The following RASA3 variants were observed in gnomAD, a reference collection of about 807,000 sequenced individuals.
The protein encoded by RASA3 is ras GTPase-activating protein 3.
A neutral mutation model predicts 110.0 loss-of-function variants in RASA3; 73 were observed. The observed-to-expected ratio is 0.66, with a 90% CI of 0.55 to 0.81. The LOEUF (loss-of-function observed/expected upper bound fraction) is 0.81, where lower values mean the gene tolerates loss of function less well. Among genes scored for constraint, RASA3 ranks in the 30% least tolerant of loss-of-function variants. The pLI is 0.00. For missense variants in RASA3, 976 were observed against 1,113.2 expected (o/e 0.88, Z 1.75); for synonymous variants, 500 against 451.4 (o/e 1.11, Z -1.37).
chr13:113,983,102 G>T (rs190923930), intron 22 of RASA3, among the ~76,000 whole-genome samples: 4 of 147,366 alleles, frequency 2.7e-5, no homozygotes, highest in Non-Finnish European at 6.0e-5. Flanking sequence ...GGGTTTGGGG[G>T]TGCAGAGCGG....
At chr13:114,007,714 T>A (rs932843678) in intron 17 of RASA3, 108 bp from the exon 18 acceptor site, 2 of 892,664 alleles carry the variant, frequency 2.2e-6, no homozygotes, top group African/African-American at 1.6e-5. Context: ...GTAATACCAG[T>A]GGAGACAGAA....
Position 114,040,988 on chromosome 13 carries a change from C to T in RASA3, c.372+12G>A, listed in dbSNP as rs370246415. ...AGGGCTCTGGTTTCCGGGGCTGCGC[C>T]GAGAGTCTCACCTGCACTTCCGAGT... On this transcript the variant is annotated intron_variant, in intron 4 of 23. Transcript: ENST00000334062. 76 of 1,612,844 alleles carry T rather than the reference C, an allele frequency of 4.7e-5. No homozygotes were observed. In the African/African-American group the frequency reaches 8.1e-4, roughly 17 times the overall value.
At chr13:114,049,555 T>C (rs955031023) in intron 3 of RASA3, among the ~76,000 whole-genome samples, 1 of 152,216 alleles carries the variant, frequency 6.6e-6, no homozygotes, top group African/African-American at 2.4e-5. Context: ...GGGTTGTCGC[T>C]CAAAAAATGT....
At chr13:114,010,858 C>T (rs927349921) in intron 16 of RASA3, among the ~76,000 whole-genome samples, 6 of 150,740 alleles carry the variant, frequency 4.0e-5, no homozygotes, top group Non-Finnish European at 7.4e-5. Context: ...GCCCAGGAGG[C>T]GCCAGGTTAG....
intron 14 of RASA3, among the ~76,000 whole-genome samples, chr13:114,013,676 G>C (rs1479245612): frequency 3.2e-4 from 22 of 69,728 alleles, no homozygotes; most frequent in African/African-American, 5.9e-4. Flanking sequence ...CCCTCTCCCT[G>C]TCTCTCTCCC....
chr13:114,043,697 T>C (rs1025349407), intron 3 of RASA3, among the ~76,000 whole-genome samples: 2 of 151,952 alleles, frequency 1.3e-5, no homozygotes, highest in Non-Finnish European at 2.9e-5. Flanking sequence ...CCAGCACATG[T>C]GGGAGAAGGA....
chr13:114,110,352 A>G (rs1364947449), intron 1 of RASA3, among the ~76,000 whole-genome samples: 9 of 152,232 alleles, frequency 5.9e-5, no homozygotes, highest in Admixed American at 2.6e-4. Flanking sequence ...AAGTAATTTA[A>G]AAATTATCAA....
intron 3 of RASA3, among the ~76,000 whole-genome samples, chr13:114,041,434 G>A (rs1394781552): frequency 6.6e-6 from 1 of 152,276 alleles, no homozygotes; most frequent in African/African-American, 2.4e-5. Context: ...CTTCCAGTAA[G>A]GCGTTCCAGA....
chr13:114,082,522 C>T (rs578015362), intron 1 of RASA3, among the ~76,000 whole-genome samples: 1 of 152,336 alleles, frequency 6.6e-6, no homozygotes, highest in African/African-American at 2.4e-5. Context: ...CCCGGGTGGA[C>T]ACACGCGCTT....
chr13:114,097,573 G>A (rs947774209), intron 1 of RASA3, among the ~76,000 whole-genome samples: 5 of 152,220 alleles, frequency 3.3e-5, no homozygotes, highest in South Asian at 4.1e-4. Flanking sequence ...GCATCTAAAC[G>A]CCCTCTGAGT....
At position 114,057,595 on chromosome 13, in the gene RASA3, T is replaced by G. The variant is rs969655775; in HGVS notation, c.174-5440A>C. 6 of 855,734 alleles carry G rather than the reference T, an allele frequency of 7.0e-6. No homozygotes were observed. The highest frequency in any genetic ancestry group is 1.8e-5 in the African/African-American group (1 of 54,378). The allele number at this position is 855,734 out of a possible 1,614,324, so 53.0% of individuals were successfully genotyped here. On this transcript the variant is annotated intron_variant, in intron 2 of 23. Transcript: ENST00000334062. This position sits in a 1 kb window ranked among gnomAD's most constrained non-coding sequence, Gnocchi z 5.0. ...GAAGGAAACCTCTCCCCACAATGACTGTGCACAGAGCCAGCCTGACACCCA... is the reference window on the plus strand; with the variant it reads ...GAAGGAAACCTCTCCCCACAATGACGGTGCACAGAGCCAGCCTGACACCCA...
chr13:114,062,843 CCTGG>C (rs1161825772), intron 2 of RASA3, among the ~76,000 whole-genome samples: 3 of 152,244 alleles, frequency 2.0e-5, no homozygotes, highest in Admixed American at 6.5e-5. Context: ...AGGAAGGACG[CCTGG>C]ACCCTGGCCC....
chr13:114,092,249 T>G (rs1029568620), intron 1 of RASA3, among the ~76,000 whole-genome samples: 3 of 152,170 alleles, frequency 2.0e-5, no homozygotes, highest in African/African-American at 7.2e-5. Flanking sequence ...TTGTGGTGCA[T>G]CACTAGGTTG....
Position 114,059,194 on chromosome 13 carries a change from C to T in RASA3, c.174-7039G>A, listed in dbSNP as rs117906098. Among the ~76,000 whole-genome samples the T allele has an allele frequency of 3.5e-3, 534 of 152,314 alleles. 2 individuals carry two copies. The highest frequency in any genetic ancestry group is 6.2e-3 in the Non-Finnish European group (420 of 68,030). On this transcript the variant is annotated intron_variant, in intron 2 of 23. Coordinates refer to ENST00000334062, the MANE Select transcript of RASA3 (RefSeq NM_007368.4). Reference sequence around the variant, plus strand: ...CCTGTCTCAAAAAACCAAACACCTGCATCTCCTGCATCTTCAGAGCACAGT... The same window carrying T: ...CCTGTCTCAAAAAACCAAACACCTGTATCTCCTGCATCTTCAGAGCACAGT...
At chr13:114,002,713 C>T (rs2053432582) in intron 18 of RASA3, among the ~76,000 whole-genome samples, 1 of 152,178 alleles carries the variant, frequency 6.6e-6, no homozygotes, top group African/African-American at 2.4e-5. Context: ...TAAGGCAGCA[C>T]TGAGTGGAGA....
chr13:114,043,095 C>T (rs570499420), intron 3 of RASA3, among the ~76,000 whole-genome samples: 9 of 152,234 alleles, frequency 5.9e-5, no homozygotes, highest in Admixed American at 2.6e-4. Flanking sequence ...TCTCAGAGCC[C>T]GTGGGCCTGG....
intron 1 of RASA3, among the ~76,000 whole-genome samples, chr13:114,130,751 C>A (rs1315816517): frequency 1.3e-5 from 2 of 152,232 alleles, no homozygotes; most frequent in Admixed American, 6.5e-5. Flanking sequence ...CCCCCCACCC[C>A]CGAGCCGCAA....
At chr13:114,102,047 A>G (rs2080067143) in intron 1 of RASA3, among the ~76,000 whole-genome samples, 2 of 152,186 alleles carry the variant, frequency 1.3e-5, no homozygotes, top group African/African-American at 4.8e-5. Context: ...GACCTGCCCG[A>G]CACACAGTCC....
At chr13:114,045,335 C>T (rs529429937) in intron 3 of RASA3, among the ~76,000 whole-genome samples, 1 of 152,198 alleles carries the variant, frequency 6.6e-6, no homozygotes, top group African/African-American at 2.4e-5. Flanking sequence ...CTTCTCACCA[C>T]GAGAGGCCGG....
Sources: gnomAD v4.1 joint callset for allele counts (sites outside exome capture counted in the v4.1 genomes callset) on GRCh38, gnomAD v4.1.1 for gene constraint, Gnocchi (gnomAD v3.1) non-coding constraint, MANE v1.5 for transcripts, NCBI Gene and HGNC (gene_info 2026-07-23, HGNC 2026-07-21) for gene names.